The following GPR55 variants were observed in gnomAD, a reference collection of about 807,000 sequenced individuals.
The protein encoded by GPR55 is G-protein coupled receptor 55.
A neutral mutation model predicts 7.9 loss-of-function variants in GPR55; 6 were observed. The observed-to-expected ratio is 0.76, with a 90% CI of 0.41 to 1.49. The LOEUF (loss-of-function observed/expected upper bound fraction) is 1.49, where lower values mean the gene tolerates loss of function less well. Ranked by LOEUF, GPR55 falls within the 40% of genes most tolerant of loss-of-function variation. The probability of loss-of-function intolerance (pLI) is 0.01; values close to 1 mark genes in which losing one functional copy is unlikely to be tolerated. For missense variants in GPR55, 376 were observed against 406.0 expected (o/e 0.93, Z 0.63); for synonymous variants, 183 against 166.8 (o/e 1.10, Z -0.75).
At chr2:230,928,345 G>T (rs554662626), upstream of GPR55, among the ~76,000 whole-genome samples, 1 of 152,128 alleles carries the variant, frequency 6.6e-6, no homozygotes, top group Non-Finnish European at 1.5e-5. Context: ...TGAGGCAGCC[G>T]GACTCTGAAG....
In GPR55 at chr2:230,955,743, C is replaced by T. The variant is rs142217675; in HGVS notation, c.-135+5032G>A. Among the ~76,000 whole-genome samples, 677 of 152,124 alleles carry T rather than the reference C, an allele frequency of 4.5e-3. 3 individuals are homozygous for T. Among genetic ancestry groups the T allele is most frequent in the African/African-American group, 0.014 (569 of 41,466 alleles). ...TTGTTTTGTTTTGTTTTGTTTGAGA[C>T]GGGGTCTCATTCCATTGCCCAGGCT... is the stretch of plus-strand genomic sequence containing the variant. On this transcript the variant is annotated intron_variant, in intron 1 of 1. Transcript: ENST00000392039.
chr2:230,921,378 T>C (rs1204021075), intron 1 of GPR55, among the ~76,000 whole-genome samples: 1 of 152,160 alleles, frequency 6.6e-6, no homozygotes, highest in Non-Finnish European at 1.5e-5. Context: ...TTTAGAAGAA[T>C]AGAAGTGTCT....
At chr2:230,951,840 C>G (rs796190952) in intron 1 of GPR55, among the ~76,000 whole-genome samples, 1 of 150,958 alleles carries the variant, frequency 6.6e-6, no homozygotes, top group Admixed American at 6.6e-5. Flanking sequence ...CTCACTGCAA[C>G]CTTAACATCC....
At chr2:230,919,469 T>C (rs2125053659) in intron 1 of GPR55, among the ~76,000 whole-genome samples, 1 of 152,278 alleles carries the variant, frequency 6.6e-6, no homozygotes, top group East Asian at 1.9e-4. Context: ...GCCAATGACA[T>C]AGGCAGTTCC....
upstream of GPR55, chr2:230,928,368 G>A: frequency 6.6e-6 from 1 of 152,242 alleles, no homozygotes; most frequent in East Asian, 1.9e-4. Flanking sequence ...AGCCTCAGCA[G>A]GTCTCTGGCC....
At chr2:230,915,047 G>A (rs942276294) in intron 1 of GPR55, among the ~76,000 whole-genome samples, 1 of 152,256 alleles carries the variant, frequency 6.6e-6, no homozygotes, top group Non-Finnish European at 1.5e-5. Flanking sequence ...TCTGAGCAAA[G>A]GTTGCCTGTT....
chr2:230,933,557 G>T lies in GPR55; in HGVS notation c.-134-22461C>A, dbSNP rs146841201. On this transcript the variant is annotated intron_variant, in intron 1 of 1. Transcript: ENST00000392039. The stretch of plus-strand genomic sequence containing the variant: ...GTGGGTGGCTGTCCCTCCTCAGGTT[G>T]GTCCACAGGCCAAAGAAACTAGAGC... Among the ~76,000 whole-genome samples, 135 of 152,312 alleles carry T rather than the reference G, an allele frequency of 8.9e-4. 1 individual carries two copies. The South Asian group carries it at 0.015, about 17-fold the overall frequency.
intron 1 of GPR55, among the ~76,000 whole-genome samples, chr2:230,917,694 C>T (rs1431636301): frequency 6.6e-6 from 1 of 151,844 alleles, no homozygotes; most frequent in African/African-American, 2.4e-5. Context: ...CCTATAGTTC[C>T]AGCTACTCAG....
chr2:230,923,918 G>A lies in GPR55; in HGVS notation c.-135+1250C>T, dbSNP rs1195267931. Among the ~76,000 whole-genome samples the A allele has an allele frequency of 1.3e-5, 2 of 151,994 alleles. No individual in the cohort carries two copies. The highest frequency in any genetic ancestry group is 4.8e-5 in the African/African-American group (2 of 41,340). ...AAGCCCCCTCCTCACTTCTTTGCAT[G>A]CTCATGCTCCTCTTTCTCCTTGGAC... is the stretch of plus-strand genomic sequence containing the variant. On this transcript the variant is annotated intron_variant, in intron 1 of 1. Transcript: ENST00000650999. The surrounding 1 kb of genome is among the most constrained non-coding windows in gnomAD (Gnocchi z 4.1).
rs1470966852 is a variant in GPR55, at chr2:230,910,538, C to T, written c.425G>A (p.Cys142Tyr). ...CCACACCAGGACCCAGATGGTGCAG[C>T]AGATCCCAAAGATCTTCCTGGGGGA... ...LRSPRKIFGI[C>Y]CTIWVLVWTG... Residue 142 changes from cysteine to tyrosine, a missense_variant, in exon 2 of 2, where the codon TGC becomes TAC. By Grantham distance (194) the Cys-to-Tyr change is radical. Transcript: ENST00000650999. This position sits in a 1 kb window ranked among gnomAD's most constrained non-coding sequence, Gnocchi z 5.4. The T allele has an allele frequency of 6.2e-7, 1 of 1,614,162 alleles. No homozygotes were observed. Among genetic ancestry groups the T allele is most frequent in the Non-Finnish European group, 8.5e-7 (1 of 1,179,984 alleles).
intron 1 of GPR55, among the ~76,000 whole-genome samples, chr2:230,957,322 T>C (rs1436432247): frequency 6.6e-6 from 1 of 152,236 alleles, no homozygotes; most frequent in Non-Finnish European, 1.5e-5. Flanking sequence ...TTTAGTAAAA[T>C]AAGGGTTCCT....
Position 230,924,559 on chromosome 2 carries a change from A to G in GPR55, c.-135+609T>C, listed in dbSNP as rs1363387995. 11 of 152,182 alleles carry G rather than the reference A, an allele frequency of 7.2e-5. No individual in the cohort carries two copies. Among genetic ancestry groups the G allele is most frequent in the Non-Finnish European group, 1.5e-5 (1 of 68,046 alleles). 9.4% of individuals were successfully genotyped at this position (152,182 alleles called of 1,614,324 possible). A position where few individuals can be genotyped will look rare whatever the true frequency, so the allele number is the denominator to read the frequency against. On this transcript the variant is annotated intron_variant, in intron 1 of 1. Coordinates refer to ENST00000650999, the MANE Select transcript of GPR55 (RefSeq NM_005683.4). The surrounding 1 kb of genome is among the most constrained non-coding windows in gnomAD (Gnocchi z 4.5). ...GATAGCAACCAGGGCTTTCCTCTCCATCATTTACTGCCCTTGAGCGCCCCG... is the reference window on the plus strand; with the variant it reads ...GATAGCAACCAGGGCTTTCCTCTCCGTCATTTACTGCCCTTGAGCGCCCCG...
chr2:230,946,994 C>T (rs1318410411), intron 1 of GPR55, among the ~76,000 whole-genome samples: 1 of 152,252 alleles, frequency 6.6e-6, no homozygotes, highest in African/African-American at 2.4e-5. Context: ...TAGGTTCATG[C>T]TGAACTAACC....
At chr2:230,959,641 C>T (rs931954466) in intron 1 of GPR55, among the ~76,000 whole-genome samples, 2 of 146,838 alleles carry the variant, frequency 1.4e-5, no homozygotes, top group African/African-American at 2.5e-5. Flanking sequence ...TGTTCCTGCC[C>T]AGCCACATTC....
In GPR55 at chr2:230,932,213, C is replaced by T. The variant is rs944049607; in HGVS notation, c.-134-21117G>A. Among the ~76,000 whole-genome samples the T allele has an allele frequency of 2.6e-5, 4 of 152,200 alleles. No homozygotes were observed. The South Asian group carries it at 6.2e-4, about 24-fold the overall frequency. ...CGCCGACCTTCTCTGGGCGCCTGCC[C>T]GTCAGGTGGTTGCAGCTGTTTGTGG... is the stretch of plus-strand genomic sequence containing the variant. On this transcript the variant is annotated intron_variant, in intron 1 of 1. Transcript: ENST00000392039.
intron 1 of GPR55, among the ~76,000 whole-genome samples, chr2:230,931,223 A>G (rs904118051): frequency 1.3e-5 from 2 of 152,156 alleles, no homozygotes; most frequent in African/African-American, 2.4e-5. Context: ...CTCTTCAAGG[A>G]GACGTCATTG....
intron 1 of GPR55, among the ~76,000 whole-genome samples, chr2:230,918,769 T>C (rs533822913): frequency 3.9e-5 from 6 of 152,304 alleles, no homozygotes; most frequent in Non-Finnish European, 7.4e-5. Flanking sequence ...CAATTAATGT[T>C]TTGTATCACA....
At chr2:230,959,745 A>T (rs11885240) in intron 1 of GPR55, among the ~76,000 whole-genome samples, 2 of 152,196 alleles carry the variant, frequency 1.3e-5, no homozygotes, top group Middle Eastern at 3.4e-3. Flanking sequence ...ACAACCCTTC[A>T]TCCTTCTCTC....
At chr2:230,926,144 G>T (rs1690937320), upstream of GPR55, among the ~76,000 whole-genome samples, 1 of 152,216 alleles carries the variant, frequency 6.6e-6, no homozygotes, top group African/African-American at 2.4e-5. Context: ...CTACTCCTGG[G>T]TTTTTTGGAT....
Sources: gnomAD v4.1 joint callset for allele counts (sites outside exome capture counted in the v4.1 genomes callset) on GRCh38, gnomAD v4.1.1 for gene constraint, Gnocchi (gnomAD v3.1) non-coding constraint, MANE v1.5 for transcripts, NCBI Gene and HGNC (gene_info 2026-07-23, HGNC 2026-07-21) for gene names.